The following OR12D2 variants were observed in gnomAD, a reference collection of about 807,000 sequenced individuals.
OR12D2 encodes olfactory receptor family 12 subfamily D member 2, also known as olfactory receptor 12D2.
For missense variants in OR12D2, 345 were observed against 371.6 expected, an observed-to-expected ratio of 0.93 and a Z score of 0.59; for synonymous variants, 146 against 142.3, an observed-to-expected ratio of 1.03 and a Z score of -0.19.
Position 29,397,914 on chromosome 6 carries a change from A to G in OR12D2, c.*291A>G, listed in dbSNP as rs746685944. 5.3e-6 allele frequency: 2 copies of G among 376,424 alleles called. No homozygotes were observed. The highest frequency in any genetic ancestry group is 2.1e-5 in the African/African-American group (1 of 48,742). The allele number at this position is 376,424 out of a possible 1,614,324, so 23.3% of individuals were successfully genotyped here. ...CTAACATGTACTTGTATGCAATTGC[A>G]TGTAGAATTTTGCCTATATTGCCCA... On this transcript the variant is annotated 3_prime_UTR_variant, in exon 2 of 2. Transcript: ENST00000642051.
chr6:29,396,481 C>A, intron 1 of OR12D2: 1 of 517,604 alleles, frequency 1.9e-6, no homozygotes, highest in Non-Finnish European at 3.4e-6. Flanking sequence ...TAATGATAAA[C>A]TTAATTTTAA....
chr6:29,397,319 G>A lies in OR12D2; in HGVS notation c.620G>A (p.Gly207Asp). 1.2e-6 allele frequency: 2 copies of A among 1,613,004 alleles called. No homozygotes were observed. The highest frequency in any genetic ancestry group is 1.7e-6 in the Non-Finnish European group (2 of 1,180,016). The change falls in exon 2 of 2, where the codon GGC becomes GAC. Residue 207 changes from glycine (G) to aspartate (D), a missense_variant. Gly to Asp is a moderately conservative substitution (Grantham distance 94, BLOSUM62 -1). Coordinates refer to ENST00000642051, the MANE Select transcript of OR12D2 (RefSeq NM_013936.4). ...ACTGTCACGGGGACAATTGCCATGG[G>A]CCCCTTCTTTCTGACACTTCTCTCC... ...LSTVTGTIAM[G>D]PFFLTLLSYF... is the part of the protein sequence containing the mutation.
chr6:29,396,304 C>G (rs1780511582), intron 1 of OR12D2, among the ~76,000 whole-genome samples: 1 of 152,086 alleles, frequency 6.6e-6, no homozygotes, highest in South Asian at 2.1e-4. Context: ...GAGCCATTTT[C>G]CTGGGTCAAG....
rs2073151 is a variant in OR12D2 at position 29,397,174 on chromosome 6, G to A, written c.475G>A (p.Val159Ile). ...IGFFHALLHS[V>I]MTSRLNFCGS... is the part of the protein sequence containing the mutation. The stretch of plus-strand genomic sequence containing the variant: ...TTTTTTCCATGCCCTGCTGCACTCC[G>A]TAATGACTTCTCGCTTGAACTTCTG... Residue 159 changes from valine (V) to isoleucine (I), a missense_variant, in exon 2 of 2, where the codon GTA becomes ATA. Val to Ile is a conservative substitution (Grantham distance 29). Transcript: ENST00000642051. The A allele has an allele frequency of 0.41, 661,775 of 1,612,186 alleles. 139,700 individuals are homozygous for A. The highest frequency in any genetic ancestry group is 0.44 in the Non-Finnish European group (514,090 of 1,179,540).
Position 29,397,260 on chromosome 6 carries a change from T to G in OR12D2, c.561T>G (p.Cys187Trp). 6.2e-7 allele frequency: 1 copy of G among 1,613,094 alleles called. No homozygotes were observed. Among genetic ancestry groups the G allele is most frequent in the Non-Finnish European group, 8.5e-7 (1 of 1,180,028 alleles). ...TTAAGCCATTGCTAAAGCTGGCCTG[T>G]GGGAACACTGAGCTTAATCAGTGGC... ...CDIKPLLKLACGNTELNQWLL... is the reference protein window; with the variant it reads ...CDIKPLLKLAWGNTELNQWLL... The change falls in exon 2 of 2, where the codon TGT becomes TGG. Residue 187 changes from cysteine (C) to tryptophan (W), a missense_variant. Physicochemically the swap from Cys to Trp is radical, Grantham distance 215. Coordinates refer to ENST00000642051, the MANE Select transcript of OR12D2 (RefSeq NM_013936.4).
In OR12D2 at chr6:29,396,792, C is replaced by T; in HGVS notation, c.93C>T (p.Thr31=). ...CTTTTCTCTTCGTGGTTTTCCTCAC[C>T]ATCTACTTCATCAGTGTGACTGGGA... is the stretch of plus-strand genomic sequence containing the variant. ...LQPFLFVVFL[T]IYFISVTGNG... The change falls in exon 2 of 2, where the codon ACC becomes ACT. Residue 31 remains threonine (T), a synonymous_variant. Transcript: ENST00000642051. 2 of 1,612,924 alleles carry T rather than the reference C, an allele frequency of 1.2e-6. No homozygotes were observed. The highest frequency in any genetic ancestry group is 1.7e-6 in the Non-Finnish European group (2 of 1,179,914).
chr6:29,397,856 A>C lies in OR12D2; in HGVS notation c.*233A>C. On this transcript the variant is annotated 3_prime_UTR_variant, in exon 2 of 2. Transcript: ENST00000642051. The stretch of plus-strand genomic sequence containing the variant: ...ACCCTAATGCTGAAAATTTTTTGGA[A>C]TATCAGTTGATGTAATTGACTTATT... 1 of 512,330 alleles carries C rather than the reference A, an allele frequency of 2.0e-6. No individual in the cohort carries two copies. The highest frequency in any genetic ancestry group is 3.4e-6 in the Non-Finnish European group (1 of 293,498). 31.7% of individuals were successfully genotyped at this position (512,330 alleles called of 1,614,324 possible).
intron 1 of OR12D2, 105 bp downstream of exon 1, chr6:29,395,920 C>T (rs9257828): frequency 0.4 from 60,789 of 151,900 alleles, 12,420 homozygotes; most frequent in Non-Finnish European, 0.45. Flanking sequence ...ATACCTCAGG[C>T]TAATATTTGA....
In OR12D2 at chr6:29,396,426, G is replaced by A. The variant is rs1029123882; in HGVS notation, c.-2-272G>A. The A allele has an allele frequency of 2.9e-5, 13 of 445,648 alleles. No homozygotes were observed. The Admixed American group carries it at 4.3e-4, about 15-fold the overall frequency. The allele number at this position is 445,648 out of a possible 1,614,324, so 27.6% of individuals were successfully genotyped here. ...TGTATTCTTCTCAACCAGAGAAGAT[G>A]TAAGTTAGCAACATGTTCTAAATCC... On this transcript the variant is annotated intron_variant, in intron 1 of 1. Transcript: ENST00000642051.
Position 29,396,786 on chromosome 6 carries a change from C to T in OR12D2, c.87C>T (p.Phe29=). ...TGCAGCCTTTTCTCTTCGTGGTTTT[C>T]CTCACCATCTACTTCATCAGTGTGA... ...QELQPFLFVV[F]LTIYFISVTG... is the part of the protein sequence containing the mutation. Residue 29 remains phenylalanine (F), a synonymous_variant, in exon 2 of 2, where the codon TTC becomes TTT. Coordinates refer to ENST00000642051, the MANE Select transcript of OR12D2 (RefSeq NM_013936.4). 1 of 1,612,982 alleles carries T rather than the reference C, an allele frequency of 6.2e-7. No individual in the cohort carries two copies. Among genetic ancestry groups the T allele is most frequent in the Non-Finnish European group, 8.5e-7 (1 of 1,179,962 alleles).
At position 29,397,236 on chromosome 6, in the gene OR12D2, T is replaced by C; in HGVS notation, c.537T>C (p.Ile179=). The change falls in exon 2 of 2, where the codon ATT becomes ATC. Residue 179 remains isoleucine (I), a synonymous_variant. Coordinates refer to ENST00000642051, the MANE Select transcript of OR12D2 (RefSeq NM_013936.4). ...GTATCCATCATTTTCTCTGTGATAT[T>C]AAGCCATTGCTAAAGCTGGCCTGTG... ...SNRIHHFLCD[I]KPLLKLACGN... 1.9e-6 allele frequency: 3 copies of C among 1,610,688 alleles called. No individual in the cohort carries two copies. The highest frequency in any genetic ancestry group is 2.5e-6 in the Non-Finnish European group (3 of 1,178,184).
chr6:29,396,816 G>C lies in OR12D2; in HGVS notation c.117G>C (p.Gly39=), dbSNP rs2151314781. ...CCATCTACTTCATCAGTGTGACTGG[G>C]AATGGAGCCGTTCTGATGATTGTCA... ...FLTIYFISVT[G]NGAVLMIVIS... Residue 39 remains glycine (G), a synonymous_variant, in exon 2 of 2, where the codon GGG becomes GGC. Transcript: ENST00000642051. 1 of 1,612,886 alleles carries C rather than the reference G, an allele frequency of 6.2e-7. No individual in the cohort carries two copies. Among genetic ancestry groups the C allele is most frequent in the African/African-American group, 1.3e-5 (1 of 75,012 alleles).
rs770255133 is a variant in OR12D2 at position 29,397,382 on chromosome 6, G to A, written c.683G>A (p.Arg228His). 6 of 1,612,844 alleles carry A rather than the reference G, an allele frequency of 3.7e-6. No homozygotes were observed. The highest frequency in any genetic ancestry group is 5.1e-6 in the Non-Finnish European group (6 of 1,180,020). The change falls in exon 2 of 2, where the codon CGT becomes CAT. Residue 228 changes from arginine to histidine, a missense_variant. Transcript: ENST00000642051. The part of the protein sequence containing the change: ...YIITYLFFKT[R>H]SCSMLCKALS... ...ATCACTTATCTCTTCTTCAAGACCC[G>A]TTCTTGTAGCATGCTCTGTAAAGCA...
chr6:29,397,441 A>T lies in OR12D2; in HGVS notation c.742A>T (p.Ile248Phe). ...STCASHFMVV[I>F]LFYAPVLFTY... ...TTGTGCCTCCCACTTCATGGTAGTT[A>T]TTCTTTTCTATGCACCTGTTCTTTT... Residue 248 changes from isoleucine (I) to phenylalanine (F), a missense_variant, in exon 2 of 2, where the codon ATT becomes TTT. Coordinates refer to ENST00000642051, the MANE Select transcript of OR12D2 (RefSeq NM_013936.4). 1.2e-6 allele frequency: 2 copies of T among 1,612,980 alleles called. No individual in the cohort carries two copies. Among genetic ancestry groups the T allele is most frequent in the Non-Finnish European group, 1.7e-6 (2 of 1,180,006 alleles).
At position 29,395,769 on chromosome 6, in the gene OR12D2, G is replaced by C. The variant is rs1314858223; in HGVS notation, c.-49G>C. 6.6e-6 allele frequency: 1 copy of C among 152,134 alleles called. No individual in the cohort carries two copies. Among genetic ancestry groups the C allele is most frequent in the African/African-American group, 2.4e-5 (1 of 41,432 alleles). The allele number at this position is 152,134 out of a possible 1,614,324, so 9.4% of individuals were successfully genotyped here. A position where few individuals can be genotyped will look rare whatever the true frequency, so the allele number is the denominator to read the frequency against. On this transcript the variant is annotated 5_prime_UTR_variant, in exon 1 of 2. Coordinates refer to ENST00000642051, the MANE Select transcript of OR12D2 (RefSeq NM_013936.4). The stretch of plus-strand genomic sequence containing the variant: ...ATTCAGGGGTGTGAAAAAGGAAAAA[G>C]TCTCAGTGCAACTGGAAACTAAAGG...
At chr6:29,396,624 G>T in intron 1 of OR12D2, 74 bp from the exon 2 acceptor site, 2 of 1,225,772 alleles carry the variant, frequency 1.6e-6, no homozygotes, top group Non-Finnish European at 1.2e-6. Context: ...CTTTGGCTTG[G>T]TGAGAAAATT....
At position 29,396,801 on chromosome 6, in the gene OR12D2, C is replaced by T. The variant is rs1340114665; in HGVS notation, c.102C>T (p.Phe34=). ...TCGTGGTTTTCCTCACCATCTACTT[C>T]ATCAGTGTGACTGGGAATGGAGCCG... The part of the protein sequence containing the change: ...FLFVVFLTIY[F]ISVTGNGAVL... Residue 34 remains phenylalanine, a synonymous_variant, in exon 2 of 2, where the codon TTC becomes TTT. Coordinates refer to ENST00000642051, the MANE Select transcript of OR12D2 (RefSeq NM_013936.4). The T allele has an allele frequency of 1.9e-6, 3 of 1,612,832 alleles. No homozygotes were observed. The African/African-American group carries it at 4.0e-5, about 22-fold the overall frequency.
rs1347672443 is a variant in OR12D2 at position 29,397,191 on chromosome 6, GA to G, written c.494del (p.Asn165ThrfsTer19). 1 of 1,612,846 alleles carries G rather than the reference GA, an allele frequency of 6.2e-7. No homozygotes were observed. The highest frequency in any genetic ancestry group is 2.2e-5 in the East Asian group (1 of 44,898). ...LLHSVMTSRL[N>X]FCGSNRIHHF... is the part of the protein sequence containing the mutation. Reference sequence around the variant, plus strand: ...TGCACTCCGTAATGACTTCTCGCTTGAACTTCTGTGGTTCCAACCGTATCCA... The same window carrying G: ...TGCACTCCGTAATGACTTCTCGCTTGACTTCTGTGGTTCCAACCGTATCCA... On this transcript the variant is annotated frameshift_variant, in exon 2 of 2. Coordinates refer to ENST00000642051, the MANE Select transcript of OR12D2 (RefSeq NM_013936.4). LOFTEE classifies it low-confidence loss of function (END_TRUNC).
In OR12D2 at chr6:29,397,252, C is replaced by G; in HGVS notation, c.553C>G (p.Leu185Val). The change falls in exon 2 of 2, where the codon CTG (leucine) becomes GTG (valine). Residue 185 changes from leucine to valine, a missense_variant. By Grantham distance (32) the Leu-to-Val change is conservative. Coordinates refer to ENST00000642051, the MANE Select transcript of OR12D2 (RefSeq NM_013936.4). ...FLCDIKPLLK[L>V]ACGNTELNQW... ...CTGTGATATTAAGCCATTGCTAAAG[C>G]TGGCCTGTGGGAACACTGAGCTTAA... 6.2e-7 allele frequency: 1 copy of G among 1,613,082 alleles called. No individual in the cohort carries two copies. The highest frequency in any genetic ancestry group is 1.7e-4 in the Middle Eastern group (1 of 6,060).
Sources: gnomAD v4.1 joint callset for allele counts (sites outside exome capture counted in the v4.1 genomes callset) on GRCh38, gnomAD v4.1.1 for gene constraint, MANE v1.5 for transcripts, NCBI Gene and HGNC (gene_info 2026-07-23, HGNC 2026-07-21) for gene names.